Variants in CLIC6 observed in about 807,000 individuals in gnomAD.
The protein encoded by CLIC6 is chloride intracellular channel protein 6.
CLIC6 carries 39 observed loss-of-function variants against 49.2 expected under a neutral mutation model. The ratio of observed to expected loss-of-function variants is 0.79; its 90% CI spans 0.61 to 1.04. CLIC6 has a LOEUF of 1.04. Ranked by LOEUF, CLIC6 falls within the 50% of genes least tolerant of loss-of-function variation. CLIC6 has a pLI of 0.00. For synonymous variants in CLIC6, 446 were observed against 433.4 expected (o/e 1.03, Z -0.36); for missense variants, 988 against 993.1 (o/e 0.99, Z 0.07).
intron 1 of CLIC6, among the ~76,000 whole-genome samples, chr21:34,702,460 T>C (rs990964690): frequency 6.6e-6 from 1 of 152,096 alleles, no homozygotes; most frequent in Admixed American, 6.5e-5. Context: ...GACAGTAATA[T>C]CCCTCAGGCT....
intron 1 of CLIC6, among the ~76,000 whole-genome samples, chr21:34,674,770 T>G (rs1270960178): frequency 6.6e-6 from 1 of 152,228 alleles, no homozygotes; most frequent in Non-Finnish European, 1.5e-5. Context: ...TTCTTTTTCT[T>G]TCCTCATAAT....
At chr21:34,684,030 T>C (rs1989828319) in intron 1 of CLIC6, among the ~76,000 whole-genome samples, 1 of 152,218 alleles carries the variant, frequency 6.6e-6, no homozygotes, top group Admixed American at 6.5e-5. Context: ...CTGTTTCTCT[T>C]CTTTTAATAG....
chr21:34,703,705 A>G (rs868043505), intron 1 of CLIC6, among the ~76,000 whole-genome samples: 5 of 152,150 alleles, frequency 3.3e-5, no homozygotes, highest in African/African-American at 1.2e-4. Flanking sequence ...TCGTGGTGCC[A>G]TTTGGACCCA....
At chr21:34,702,427 C>T (rs1006199293) in intron 1 of CLIC6, among the ~76,000 whole-genome samples, 5 of 152,114 alleles carry the variant, frequency 3.3e-5, no homozygotes, top group Non-Finnish European at 7.4e-5. Flanking sequence ...CACAAGCACC[C>T]GCCATTCCAT....
At chr21:34,709,629 C>T (rs1194428652) in intron 5 of CLIC6, 91 bp downstream of exon 5, 6 of 1,173,742 alleles carry the variant, frequency 5.1e-6, no homozygotes, top group Admixed American at 2.3e-5. Flanking sequence ...GACATTTAAA[C>T]AGTCTGAAAT....
chr21:34,698,040 C>T (rs981260258), intron 1 of CLIC6, among the ~76,000 whole-genome samples: 6 of 150,030 alleles, frequency 4.0e-5, no homozygotes, highest in African/African-American at 9.8e-5. Context: ...GACAGGGTTT[C>T]GCTGTCTCTA....
At position 34,709,432 on chromosome 21, in the gene CLIC6, A is replaced by G; in HGVS notation, c.1793A>G (p.Asp598Gly). 1 of 1,614,036 alleles carries G rather than the reference A, an allele frequency of 6.2e-7. No homozygotes were observed. Among genetic ancestry groups the G allele is most frequent in the East Asian group, 2.2e-5 (1 of 44,886 alleles). ...YLNSPLPDEI[D>G]AYSTEDVTVS... is the part of the protein sequence containing the mutation. Reference sequence around the variant, plus strand: ...AATAGCCCTCTGCCTGATGAAATAGATGCCTACAGCACCGAGGATGTCACT... The same window carrying G: ...AATAGCCCTCTGCCTGATGAAATAGGTGCCTACAGCACCGAGGATGTCACT... Residue 598 changes from aspartate to glycine, a missense_variant, in exon 5 of 6, where the codon GAT becomes GGT. This residue lies in a region of CLIC6 where 647 missense variants were observed against 596.9 expected (regional missense o/e 1.08). Coordinates refer to ENST00000349499, the MANE Select transcript of CLIC6 (RefSeq NM_053277.3).
chr21:34,696,714 T>A (rs1308750721), intron 1 of CLIC6, among the ~76,000 whole-genome samples: 1 of 152,276 alleles, frequency 6.6e-6, no homozygotes, highest in Non-Finnish European at 1.5e-5. Context: ...TTGCTATCAT[T>A]ATCACTTTCA....
rs186225804 is a variant in CLIC6, at chr21:34,686,442, T to C, written c.1374+15680T>C. On this transcript the variant is annotated intron_variant, in intron 1 of 5. Coordinates refer to ENST00000349499, the MANE Select transcript of CLIC6 (RefSeq NM_053277.3). ...AAACCCAAAACCAAAAACATATGCT[T>C]TGAGCATTTTGGCACAGCCTGGAAT... Among the ~76,000 whole-genome samples the C allele has an allele frequency of 3.7e-3, 556 of 152,190 alleles. 15 individuals are homozygous for C. The highest frequency in any genetic ancestry group is 0.034 in the Admixed American group (512 of 15,278).
At chr21:34,697,299 C>G (rs1240693187) in intron 1 of CLIC6, among the ~76,000 whole-genome samples, 1 of 152,158 alleles carries the variant, frequency 6.6e-6, no homozygotes, top group Non-Finnish European at 1.5e-5. Flanking sequence ...AGGGGAAAGG[C>G]CGTCCCTGTA....
At chr21:34,708,578 G>A (rs777334780) in intron 3 of CLIC6, 122 bp from the exon 4 acceptor site, 2 of 696,122 alleles carry the variant, frequency 2.9e-6, no homozygotes, top group Admixed American at 2.5e-5. Context: ...AAAGGGTCAG[G>A]AAAACGTTGA....
intron 1 of CLIC6, among the ~76,000 whole-genome samples, chr21:34,697,589 T>G (rs1010994600): frequency 6.6e-5 from 10 of 152,240 alleles, no homozygotes; most frequent in Non-Finnish European, 1.2e-4. Flanking sequence ...ACAATGGTAT[T>G]TCCCCATCTA....
intron 1 of CLIC6, among the ~76,000 whole-genome samples, chr21:34,695,129 A>C (rs1990067728): frequency 6.6e-6 from 1 of 152,252 alleles, no homozygotes; most frequent in Admixed American, 6.5e-5. Flanking sequence ...AGGCACTAGC[A>C]GGGCTGCATT....
intron 1 of CLIC6, among the ~76,000 whole-genome samples, chr21:34,692,038 T>C (rs73359041): frequency 0.016 from 2,500 of 152,322 alleles, 76 homozygotes; most frequent in African/African-American, 0.058. Flanking sequence ...TGACCAGCTG[T>C]AGTCACTAAG....
intron 1 of CLIC6, among the ~76,000 whole-genome samples, chr21:34,680,448 C>T (rs192555675): frequency 1.5e-4 from 23 of 152,344 alleles, no homozygotes; most frequent in African/African-American, 5.3e-4. Context: ...ATATTTTCCC[C>T]ATTGTCTTGG....
At chr21:34,701,056 A>C (rs1990178503) in intron 1 of CLIC6, among the ~76,000 whole-genome samples, 1 of 139,418 alleles carries the variant, frequency 7.2e-6, no homozygotes, top group Non-Finnish European at 1.6e-5. Flanking sequence ...GGAGAAAAAA[A>C]ATCAGTGAGG....
At chr21:34,680,991 A>G (rs894042608) in intron 1 of CLIC6, among the ~76,000 whole-genome samples, 1 of 152,096 alleles carries the variant, frequency 6.6e-6, no homozygotes, top group Admixed American at 6.6e-5. Flanking sequence ...TAGCTTTCAC[A>G]TTTTCAGGTA....
intron 1 of CLIC6, among the ~76,000 whole-genome samples, chr21:34,701,754 G>A (rs996463542): frequency 6.6e-6 from 1 of 152,168 alleles, no homozygotes; most frequent in African/African-American, 2.4e-5. Flanking sequence ...AACTCCTCAG[G>A]CAAATGGATA....
intron 1 of CLIC6, among the ~76,000 whole-genome samples, chr21:34,705,319 C>T (rs941538218): frequency 6.6e-6 from 1 of 152,166 alleles, no homozygotes; most frequent in African/African-American, 2.4e-5. Flanking sequence ...CAGCTCTGCA[C>T]TTCCACTTGC....
Sources: gnomAD v4.1 joint callset for allele counts (sites outside exome capture counted in the v4.1 genomes callset) on GRCh38, gnomAD v4.1.1 for gene constraint, gnomAD v4.1.1 regional missense constraint, MANE v1.5 for transcripts, NCBI Gene and HGNC (gene_info 2026-07-23, HGNC 2026-07-21) for gene names.